Variants in USP42 observed in about 807,000 individuals in gnomAD.
USP42 encodes the protein ubiquitin specific peptidase 42.
A neutral mutation model predicts 113.0 loss-of-function variants in USP42; 23 were observed. The ratio of observed to expected loss-of-function variants is 0.20; its 90% CI spans 0.15 to 0.29. USP42 has a LOEUF of 0.29. USP42 is among the 10% of genes least tolerant of loss of function. USP42 has a pLI of 1.00. For missense variants in USP42, 2,174 were observed against 1,779.8 expected (o/e 1.22, Z -3.99); for synonymous variants, 933 against 699.0 (o/e 1.33, Z -5.28).
At chr7:6,130,901 G>A (rs189188663) in intron 3 of USP42, among the ~76,000 whole-genome samples, 3 of 152,226 alleles carry the variant, frequency 2.0e-5, no homozygotes, top group Non-Finnish European at 2.9e-5. Context: ...TGAGGTTTCC[G>A]TGGGAAAAGC....
chr7:6,103,393 G>C (rs185870095), upstream of USP42, among the ~76,000 whole-genome samples: 8 of 150,574 alleles, frequency 5.3e-5, no homozygotes, highest in South Asian at 8.3e-4. Flanking sequence ...AAAATTAGCC[G>C]GGCGTGGTGG....
rs1056520275 is a variant in USP42 at position 6,154,209 on chromosome 7, C to T, written c.2655C>T (p.Asp885=). The T allele has an allele frequency of 3.1e-6, 5 of 1,606,528 alleles. No individual in the cohort carries two copies. Among genetic ancestry groups the T allele is most frequent in the Non-Finnish European group, 2.5e-6 (3 of 1,178,938 alleles). Residue 885 remains aspartate (D), a synonymous_variant, in exon 15 of 18, where the codon GAC becomes GAT. Coordinates refer to ENST00000306177, the MANE Select transcript of USP42 (RefSeq NM_032172.3). ...PSGDHARDAQ[D]PSQSLGAPEA... The stretch of plus-strand genomic sequence containing the variant: ...GGGACCACGCCCGGGACGCTCAGGA[C>T]CCATCCCAGAGCTTGGGCGCACCCG...
intron 3 of USP42, among the ~76,000 whole-genome samples, chr7:6,134,260 C>A (rs1403687665): frequency 6.6e-6 from 1 of 151,902 alleles, no homozygotes; most frequent in Non-Finnish European, 1.5e-5. Flanking sequence ...TTGTAATATC[C>A]TTTTTAAAGT....
At chr7:6,116,641 C>G in intron 3 of USP42, 1 of 390,208 alleles carries the variant, frequency 2.6e-6, no homozygotes, top group Admixed American at 4.2e-5. Flanking sequence ...TTTTTTCCCT[C>G]CAAAGAGCCA....
At chr7:6,132,068 G>T (rs1289846365) in intron 3 of USP42, among the ~76,000 whole-genome samples, 1 of 152,126 alleles carries the variant, frequency 6.6e-6, no homozygotes, top group Non-Finnish European at 1.5e-5. Flanking sequence ...GAATAGCTGG[G>T]ACTACAGGCG....
chr7:6,116,681 C>T, intron 3 of USP42: 1 of 470,374 alleles, frequency 2.1e-6, no homozygotes, highest in South Asian at 1.7e-5. Context: ...TTGGAAAGTA[C>T]AGAAAAACTT....
At chr7:6,149,071 A>T (rs1268393979) in intron 12 of USP42, among the ~76,000 whole-genome samples, 1 of 152,160 alleles carries the variant, frequency 6.6e-6, no homozygotes, top group Non-Finnish European at 1.5e-5. Flanking sequence ...GCCATGGGGG[A>T]ACCTGCAGCG....
At position 6,150,020 on chromosome 7, in the gene USP42, C is replaced by T. The variant is rs761683002; in HGVS notation, c.1824C>T (p.Gly608=). The T allele has an allele frequency of 2.8e-5, 45 of 1,612,568 alleles. No homozygotes were observed. Among genetic ancestry groups the T allele is most frequent in the South Asian group, 1.6e-4 (15 of 90,920 alleles). ...KLNSSVLVPY[G]AESSEDSDEE... is the part of the protein sequence containing the mutation. ...ACTCCAGCGTGCTGGTGCCCTATGG[C>T]GCCGAGTCCTCTGAGGACTCTGACG... The change falls in exon 13 of 18, where the codon GGC becomes GGT. Residue 608 remains glycine (G), a synonymous_variant. Coordinates refer to ENST00000306177, the MANE Select transcript of USP42 (RefSeq NM_032172.3).
chr7:6,153,631 A>G, intron 14 of USP42, 125 bp from the exon 15 acceptor site: 2 of 1,188,788 alleles, frequency 1.7e-6, no homozygotes, highest in Non-Finnish European at 2.2e-6. Context: ...CTTAAAGTAT[A>G]ATAATAATAA....
chr7:6,091,983 T>C, the USP42 span, among the ~76,000 whole-genome samples: 213 of 33,404 alleles, frequency 6.4e-3, 2 homozygotes, highest in African/African-American at 0.018. Flanking sequence ...TATTTTTTCT[T>C]CTTCTTCTTC....
intron 3 of USP42, among the ~76,000 whole-genome samples, chr7:6,117,383 A>G (rs891805826): frequency 6.6e-6 from 1 of 152,114 alleles, no homozygotes; most frequent in Non-Finnish European, 1.5e-5. Flanking sequence ...GCATCACTTG[A>G]TCGTATTGTT....
At chr7:6,146,570 G>A (rs1413844429) in intron 11 of USP42, among the ~76,000 whole-genome samples, 1 of 152,058 alleles carries the variant, frequency 6.6e-6, no homozygotes, top group Non-Finnish European at 1.5e-5. Context: ...AAGTTGAGGT[G>A]GGAGGATTAC....
At position 6,154,824 on chromosome 7, in the gene USP42, G is replaced by A. The variant is rs772970084; in HGVS notation, c.3270G>A (p.Glu1090=). The A allele has an allele frequency of 8.4e-5, 129 of 1,542,474 alleles. No individual in the cohort carries two copies. The highest frequency in any genetic ancestry group is 6.7e-4 in the Admixed American group (34 of 50,532). Residue 1090 remains glutamate (E), a synonymous_variant, in exon 15 of 18, where the codon GAG becomes GAA. Coordinates refer to ENST00000306177, the MANE Select transcript of USP42 (RefSeq NM_032172.3). ...GREHERAGLH[E]RPHKDHNRGR... is the part of the protein sequence containing the mutation. ...AGCACGAGCGGGCCGGGCTGCACGAGCGGCCGCACAAGGACCACAACCGGG... is the reference window on the plus strand; with the variant it reads ...AGCACGAGCGGGCCGGGCTGCACGAACGGCCGCACAAGGACCACAACCGGG...
the USP42 span, chr7:6,088,812 T>C: frequency 6.6e-6 from 1 of 150,992 alleles, no homozygotes; most frequent in East Asian, 1.9e-4. Context: ...AAGCCTGAAG[T>C]GTTCCAAGCA....
chr7:6,144,633 G>A (rs1315068726), intron 9 of USP42, among the ~76,000 whole-genome samples: 1 of 152,152 alleles, frequency 6.6e-6, no homozygotes, highest in Non-Finnish European at 1.5e-5. Context: ...ACTTTAGAAG[G>A]CCTAGTTGGG....
At chr7:6,104,779 C>T (rs1025025769), upstream of USP42, 4 of 151,860 alleles carry the variant, frequency 2.6e-5, no homozygotes, top group African/African-American at 9.7e-5. Flanking sequence ...GACGACCCCT[C>T]CCACACTCGC....
chr7:6,128,712 GTTCTGTTCTTT>G (rs1217175970), intron 3 of USP42, among the ~76,000 whole-genome samples: 1 of 151,032 alleles, frequency 6.6e-6, no homozygotes, highest in African/African-American at 2.4e-5. Context: ...TTTGTTTTTT[GTTCTGTTCTTT>G]TTTATATGTC....
chr7:6,115,329 G>A lies in USP42; in HGVS notation c.248G>A (p.Gly83Asp). ...KPSPQKDQAL[G>D]DGIAPPQKVL... The stretch of plus-strand genomic sequence containing the variant: ...TTCTTGTTTATTTTTCTAGCCCTAG[G>A]TGATGGCATCGCTCCTCCACAGAAA... Residue 83 changes from glycine to aspartate, a missense_variant, in exon 3 of 18, where the codon GGT becomes GAT. Transcript: ENST00000306177. 6.2e-7 allele frequency: 1 copy of A among 1,613,888 alleles called. No individual in the cohort carries two copies. The highest frequency in any genetic ancestry group is 8.5e-7 in the Non-Finnish European group (1 of 1,179,870).
intron 14 of USP42, 73 bp downstream of exon 14, chr7:6,150,579 A>G (rs1781987965): frequency 4.0e-6 from 5 of 1,246,836 alleles, no homozygotes; most frequent in Non-Finnish European, 4.7e-6. Context: ...ATGTGTCAGT[A>G]TTTGAATGCT....
Sources: allele counts gnomAD v4.1 joint callset (sites outside exome capture counted in the v4.1 genomes callset), GRCh38; gene constraint gnomAD v4.1.1; transcripts MANE v1.5; gene names NCBI Gene and HGNC (gene_info 2026-07-23, HGNC 2026-07-21).